Variants in DHRSX observed in about 807,000 individuals in gnomAD.
DHRSX encodes the protein polyprenol dehydrogenase.
A neutral mutation model predicts 34.0 loss-of-function variants in DHRSX; 31 were observed. The ratio of observed to expected loss-of-function variants is 0.91; its 90% CI spans 0.69 to 1.23. The LOEUF is 1.23. Among genes scored for constraint, DHRSX ranks in the 50% most tolerant of loss-of-function variants. DHRSX has a pLI of 0.00. For synonymous variants in DHRSX, 201 were observed against 183.8 expected, an observed-to-expected ratio of 1.09 and a Z score of -0.76; for missense variants, 414 against 428.1, an observed-to-expected ratio of 0.97 and a Z score of 0.29.
intron 1 of DHRSX, among the ~76,000 whole-genome samples, chrX:2,450,586 T>C (rs1245948084): frequency 6.6e-6 from 1 of 152,082 alleles, no homozygotes; most frequent in Non-Finnish European, 1.5e-5. Context: ...AAGGTGGGCT[T>C]TCCCAGGTTC....
chrX:2,464,254 T>C (rs17842865), intron 1 of DHRSX, among the ~76,000 whole-genome samples: 12,855 of 150,496 alleles, frequency 0.085, 717 homozygotes, highest in East Asian at 0.21. Flanking sequence ...CAAGGGACCA[T>C]TGCCCTTTGC....
intron 1 of DHRSX, among the ~76,000 whole-genome samples, chrX:2,441,469 T>A (rs2044061001): frequency 6.6e-6 from 1 of 151,936 alleles, no homozygotes; most frequent in Non-Finnish European, 1.5e-5. Context: ...ACCAGTAGGA[T>A]ATATATATAG....
At chrX:2,464,059 T>A (rs919686646) in intron 1 of DHRSX, among the ~76,000 whole-genome samples, 1 of 152,100 alleles carries the variant, frequency 6.6e-6, no homozygotes, top group African/African-American at 2.4e-5. Flanking sequence ...CCTAAGTATG[T>A]GGCTAAGGGA....
At chrX:2,334,170 C>CTGTTTTTTTTTTTTTT (rs2042520428) in intron 3 of DHRSX, 1 of 105,112 alleles carries the variant, frequency 9.5e-6, no homozygotes. Context: ...CAAAAGTATG[C>CTGTTTTTTTTTTTTTT]TTTTTTTTTT....
chrX:2,420,717 T>C (rs1054652036), intron 2 of DHRSX, among the ~76,000 whole-genome samples: 2 of 151,380 alleles, frequency 1.3e-5, no homozygotes, highest in African/African-American at 4.9e-5. Context: ...CACTCCAGCC[T>C]GGGCAACAGA....
At chrX:2,480,138 G>A (rs1462860193) in intron 1 of DHRSX, among the ~76,000 whole-genome samples, 6 of 151,942 alleles carry the variant, frequency 3.9e-5, no homozygotes, top group African/African-American at 7.3e-5. Flanking sequence ...ACAGATGAGC[G>A]TATCAAGCAA....
chrX:2,359,840 T>G (rs1202609942), intron 3 of DHRSX, among the ~76,000 whole-genome samples: 1 of 152,102 alleles, frequency 6.6e-6, no homozygotes, highest in Non-Finnish European at 1.5e-5. Flanking sequence ...ACCAAATTAC[T>G]ACATGTTCTC....
intron 3 of DHRSX, among the ~76,000 whole-genome samples, chrX:2,318,940 A>G (rs933245006): frequency 2.0e-5 from 3 of 152,136 alleles, no homozygotes; most frequent in Non-Finnish European, 2.9e-5. Flanking sequence ...CATGTTTTCT[A>G]TAATAATTTC....
intron 2 of DHRSX, among the ~76,000 whole-genome samples, chrX:2,411,406 G>A (rs1014113220): frequency 2.0e-5 from 3 of 151,860 alleles, no homozygotes; most frequent in Non-Finnish European, 2.9e-5. Context: ...AAAATTAGAT[G>A]GGCATGGTGA....
At chrX:2,458,172 C>A (rs1772902342) in intron 1 of DHRSX, among the ~76,000 whole-genome samples, 1 of 151,630 alleles carries the variant, frequency 6.6e-6, no homozygotes, top group African/African-American at 2.4e-5. Context: ...AGCATGTGGT[C>A]AAGAGACCAA....
intron 3 of DHRSX, among the ~76,000 whole-genome samples, chrX:2,397,316 T>C (rs1353182280): frequency 6.6e-6 from 1 of 152,098 alleles, no homozygotes; most frequent in Non-Finnish European, 1.5e-5. Context: ...TAATATTTTG[T>C]AGAGACGGAG....
At chrX:2,380,332 C>A (rs1174229479) in intron 3 of DHRSX, among the ~76,000 whole-genome samples, 3 of 132,244 alleles carry the variant, frequency 2.3e-5, no homozygotes, top group African/African-American at 5.6e-5. Context: ...AAAAAGACTG[C>A]ATTGCAGGAT....
intron 1 of DHRSX, among the ~76,000 whole-genome samples, chrX:2,482,868 A>G (rs28415022): frequency 0.33 from 50,495 of 151,524 alleles, 8,697 homozygotes; most frequent in South Asian, 0.44. Context: ...AAAGGCAATC[A>G]TTCCTTCTGC....
chrX:2,352,187 C>T (rs957171693), intron 3 of DHRSX, among the ~76,000 whole-genome samples: 1 of 152,108 alleles, frequency 6.6e-6, no homozygotes, highest in Non-Finnish European at 1.5e-5. Context: ...TGGAGGCACA[C>T]TCAACCCTAA....
At chrX:2,442,472 G>GTATA (rs757603927) in intron 1 of DHRSX, among the ~76,000 whole-genome samples, 2 of 150,656 alleles carry the variant, frequency 1.3e-5, no homozygotes, top group African/African-American at 4.9e-5. Flanking sequence ...ATGTGTGTGT[G>GTATA]TATATATATA....
chrX:2,312,809 C>T (rs1156573012), intron 3 of DHRSX, among the ~76,000 whole-genome samples: 1 of 152,012 alleles, frequency 6.6e-6, no homozygotes, highest in Non-Finnish European at 1.5e-5. Context: ...AACTCTGATC[C>T]CTGTTCCTTG....
intron 1 of DHRSX, among the ~76,000 whole-genome samples, chrX:2,428,711 T>C (rs1343458944): frequency 6.6e-6 from 1 of 152,176 alleles, no homozygotes; most frequent in East Asian, 1.9e-4. Context: ...ATGGCACGTG[T>C]ATACCTATGT....
At chrX:2,246,483 C>T (rs1201622024) in intron 5 of DHRSX, among the ~76,000 whole-genome samples, 3 of 151,820 alleles carry the variant, frequency 2.0e-5, no homozygotes, top group South Asian at 2.1e-4. Flanking sequence ...ATTAGCTGGA[C>T]GTGCTGGCGG....
intron 3 of DHRSX, among the ~76,000 whole-genome samples, chrX:2,307,907 T>A (rs1318979311): frequency 6.6e-6 from 1 of 151,848 alleles, no homozygotes; most frequent in East Asian, 1.9e-4. Context: ...TGCTAGGAGC[T>A]CAGTGGCTGC....
Sources: gnomAD v4.1 joint callset for allele counts (sites outside exome capture counted in the v4.1 genomes callset) on GRCh38, gnomAD v4.1.1 for gene constraint, MANE v1.5 for transcripts, NCBI Gene and HGNC (gene_info 2026-07-23, HGNC 2026-07-21) for gene names.